The following NAV2 variants were observed in gnomAD, a reference collection of about 807,000 sequenced individuals.
NAV2 encodes the protein neuron navigator 2.
A neutral mutation model predicts 223.2 loss-of-function variants in NAV2; 54 were observed. The ratio of observed to expected loss-of-function variants is 0.24; its 90% CI spans 0.19 to 0.30. The LOEUF (loss-of-function observed/expected upper bound fraction) is 0.30, where lower values mean the gene tolerates loss of function less well. NAV2 is among the 10% of genes least tolerant of loss of function. The probability of loss-of-function intolerance (pLI) is 1.00; values close to 1 mark genes in which losing one functional copy is unlikely to be tolerated. For synonymous variants in NAV2, 1,279 were observed against 1,239.3 expected (o/e 1.03, Z -0.67); for missense variants, 2,806 against 3,147.5 (o/e 0.89, Z 2.60).
Position 19,639,493 on chromosome 11 carries a change from C to T in NAV2, c.76-192991C>T, listed in dbSNP as rs557536902. 1.4e-4 allele frequency among the ~76,000 whole-genome samples: 22 copies of T among 152,304 alleles called. No individual in the cohort carries two copies. The South Asian group carries it at 4.4e-3, about 30-fold the overall frequency. On this transcript the variant is annotated intron_variant, in intron 1 of 37. Transcript: ENST00000360655. ...GGCAAAATATTTTGAGATATTTTAG[C>T]AACAAAGGATGTATTTATTTCAAGA... is the stretch of plus-strand genomic sequence containing the variant.
chr11:19,582,316 G>T (rs1443058700), intron 1 of NAV2, among the ~76,000 whole-genome samples: 1 of 152,136 alleles, frequency 6.6e-6, no homozygotes, highest in Non-Finnish European at 1.5e-5. Context: ...TCTGTAGGTT[G>T]CCTGTTCACT....
chr11:19,948,414 T>G (rs1381529038), intron 9 of NAV2, among the ~76,000 whole-genome samples: 1 of 152,008 alleles, frequency 6.6e-6, no homozygotes, highest in Non-Finnish European at 1.5e-5. Flanking sequence ...GGAAAGAAAA[T>G]TCTAGTAGTT....
intron 1 of NAV2, among the ~76,000 whole-genome samples, chr11:19,555,444 C>G (rs2044850156): frequency 6.7e-6 from 1 of 149,310 alleles, no homozygotes; most frequent in African/African-American, 2.6e-5. Context: ...CACTCCCAGA[C>G]CTGGGGGGGG....
At chr11:19,988,011 G>T (rs1312154364) in intron 11 of NAV2, among the ~76,000 whole-genome samples, 3 of 152,218 alleles carry the variant, frequency 2.0e-5, no homozygotes, top group African/African-American at 7.2e-5. Flanking sequence ...ACAGTCAAAT[G>T]GCTCATTGAA....
intron 26 of NAV2, among the ~76,000 whole-genome samples, chr11:20,084,831 A>G (rs1763096065): frequency 6.6e-6 from 1 of 152,174 alleles, no homozygotes; most frequent in South Asian, 2.1e-4. Context: ...TTATTGATTT[A>G]AACTTTTTGT....
chr11:19,582,363 A>C (rs924628499), intron 1 of NAV2, among the ~76,000 whole-genome samples: 1 of 152,056 alleles, frequency 6.6e-6, no homozygotes, highest in Non-Finnish European at 1.5e-5. Flanking sequence ...GAAGCTCTTT[A>C]GTTTAATTAG....
chr11:19,684,908 T>G (rs2048980034), intron 1 of NAV2, among the ~76,000 whole-genome samples: 1 of 152,182 alleles, frequency 6.6e-6, no homozygotes, highest in Non-Finnish European at 1.5e-5. Flanking sequence ...GGCCTCTCAG[T>G]ACAGTGCCTG....
At chr11:19,645,344 C>G (rs1346402517) in intron 1 of NAV2, among the ~76,000 whole-genome samples, 1 of 152,198 alleles carries the variant, frequency 6.6e-6, no homozygotes, top group African/African-American at 2.4e-5. Context: ...CTGGGTGCAC[C>G]TGGATAATCC....
intron 10 of NAV2, chr11:19,979,313 A>T (rs943208374): frequency 6.6e-6 from 1 of 152,210 alleles, no homozygotes; most frequent in Non-Finnish European, 1.5e-5. Flanking sequence ...ACTCATTAGT[A>T]CCTTCATGTA....
intron 3 of NAV2, among the ~76,000 whole-genome samples, chr11:19,854,841 G>A (rs2152988933): frequency 6.6e-6 from 1 of 152,220 alleles, no homozygotes; most frequent in East Asian, 1.9e-4. Context: ...AAATGTAAAG[G>A]TTAGATTTGG....
intron 1 of NAV2, among the ~76,000 whole-genome samples, chr11:19,557,861 G>C (rs533616203): frequency 6.6e-6 from 1 of 152,216 alleles, no homozygotes; most frequent in Non-Finnish European, 1.5e-5. Flanking sequence ...CAGTGGCCAC[G>C]TGGGGGCAGC....
At chr11:19,409,670 C>G (rs572290369) in intron 1 of NAV2, among the ~76,000 whole-genome samples, 1 of 152,310 alleles carries the variant, frequency 6.6e-6, no homozygotes, top group South Asian at 2.1e-4. Context: ...GCTGCAGGCA[C>G]CATGCCCCAG....
chr11:19,701,002 A>G (rs1440834160), intron 1 of NAV2, among the ~76,000 whole-genome samples: 1 of 152,150 alleles, frequency 6.6e-6, no homozygotes, highest in Non-Finnish European at 1.5e-5. Context: ...AAATCCTCAC[A>G]AGAACTTTGT....
intron 1 of NAV2, among the ~76,000 whole-genome samples, chr11:19,690,350 C>A (rs774390213): frequency 1.3e-5 from 2 of 152,198 alleles, no homozygotes; most frequent in Non-Finnish European, 2.9e-5. Context: ...ATCAGGCATA[C>A]CTGCATGGCC....
At chr11:19,831,380 G>A (rs573893078) in intron 1 of NAV2, among the ~76,000 whole-genome samples, 1 of 152,082 alleles carries the variant, frequency 6.6e-6, no homozygotes, top group Admixed American at 6.5e-5. Context: ...ACTGGTTGAG[G>A]TAGAATGATC....
chr11:19,566,171 C>T, intron 1 of NAV2, among the ~76,000 whole-genome samples: 1 of 151,994 alleles, frequency 6.6e-6, no homozygotes, highest in Non-Finnish European at 1.5e-5. Flanking sequence ...GGGGCTCAAG[C>T]AATCCTCCCA....
At chr11:20,111,317 A>T (rs960331279) in intron 36 of NAV2, among the ~76,000 whole-genome samples, 18 of 152,106 alleles carry the variant, frequency 1.2e-4, no homozygotes, top group African/African-American at 3.9e-4. Context: ...CTCCTGCCTT[A>T]GGGAAAGTGA....
intron 1 of NAV2, among the ~76,000 whole-genome samples, chr11:19,801,078 T>C (rs2058222684): frequency 6.6e-6 from 1 of 152,232 alleles, no homozygotes. Context: ...AGTAACCTTA[T>C]AGTTTATTTT....
chr11:19,956,365 TACACACACACACACAC>T (rs113677958), intron 10 of NAV2, among the ~76,000 whole-genome samples: 2 of 103,806 alleles, frequency 1.9e-5, no homozygotes, highest in Admixed American at 9.3e-5. Flanking sequence ...CCGACACACA[TACACACACACACACAC>T]ACACACACAC....
Sources: gnomAD v4.1 joint callset for allele counts (sites outside exome capture counted in the v4.1 genomes callset) on GRCh38, gnomAD v4.1.1 for gene constraint, MANE v1.5 for transcripts, NCBI Gene and HGNC (gene_info 2026-07-23, HGNC 2026-07-21) for gene names.